The following EREG variants were observed in gnomAD, a reference collection of about 807,000 sequenced individuals.
EREG encodes the protein proepiregulin.
Under a neutral mutation model 22.4 loss-of-function variants are expected in EREG, and 23 were observed. The ratio of observed to expected loss-of-function variants is 1.03; its 90% CI spans 0.74 to 1.46. The LOEUF is 1.46. Among genes scored for constraint, EREG ranks in the 40% most tolerant of loss-of-function variants. The pLI is 0.00. For synonymous variants in EREG, 100 were observed against 75.4 expected, an observed-to-expected ratio of 1.33 and a Z score of -1.69; for missense variants, 226 against 205.9, an observed-to-expected ratio of 1.10 and a Z score of -0.60.
chr4:74,382,799 G>C lies in EREG; in HGVS notation c.428+5G>C, dbSNP rs1752501183. The C allele has an allele frequency of 6.2e-7, 1 of 1,609,004 alleles. No individual in the cohort carries two copies. The highest frequency in any genetic ancestry group is 1.3e-5 in the African/African-American group (1 of 74,640). ...CACATATTATTTCTGCAGATGGTAA[G>C]TCAGTGTGGTTTTATACTCTGCTTT... is the stretch of plus-strand genomic sequence containing the variant. On this transcript the variant is annotated splice_donor_5th_base_variant and intron_variant, in intron 4 of 4. Transcript: ENST00000244869.
At chr4:74,370,860 T>G (rs1752278079) in intron 1 of EREG, among the ~76,000 whole-genome samples, 1 of 152,222 alleles carries the variant, frequency 6.6e-6, no homozygotes, top group Admixed American at 6.5e-5. Flanking sequence ...GCAGCTCAGT[T>G]GCAGGGAAAC....
chr4:74,381,159 AAC>A (rs1752468382), intron 3 of EREG, 22 bp downstream of exon 3: 1 of 1,602,482 alleles, frequency 6.2e-7, no homozygotes, highest in Non-Finnish European at 8.5e-7. Context: ...GAAATAAACA[AAC>A]ACAGTTTGTA....
chr4:74,384,647 C>T, intron 4 of EREG, 80 bp from the exon 5 acceptor site: 1 of 745,862 alleles, frequency 1.3e-6, no homozygotes, highest in South Asian at 1.7e-5. Context: ...TGCTAATGTG[C>T]CTTTGGAGTC....
At chr4:74,375,476 G>A (rs1406989377) in intron 1 of EREG, among the ~76,000 whole-genome samples, 1 of 132,626 alleles carries the variant, frequency 7.5e-6, no homozygotes, top group Non-Finnish European at 1.6e-5. Context: ...CCGCCACCAT[G>A]CCTGGCTAAT....
intron 1 of EREG, among the ~76,000 whole-genome samples, chr4:74,370,046 CAT>C (rs2110383576): frequency 6.6e-6 from 1 of 152,308 alleles, no homozygotes; most frequent in South Asian, 2.1e-4. Context: ...GAGTACACAG[CAT>C]GTAAGGCTTT....
chr4:74,371,398 C>T (rs894307743), intron 1 of EREG, among the ~76,000 whole-genome samples: 58 of 152,246 alleles, frequency 3.8e-4, no homozygotes, highest in African/African-American at 1.2e-3. Context: ...GTCTTATTTA[C>T]GATGGAATCA....
chr4:74,379,346 T>A, intron 1 of EREG, 102 bp from the exon 2 acceptor site: 1 of 701,420 alleles, frequency 1.4e-6, no homozygotes, highest in Non-Finnish European at 2.5e-6. Context: ...ACCAAATCTG[T>A]GAAACAAAAC....
intron 3 of EREG, chr4:74,381,747 C>G (rs941227669): frequency 3.3e-5 from 5 of 150,480 alleles, no homozygotes; most frequent in Non-Finnish European, 7.4e-5. Flanking sequence ...GAGGCCGAGG[C>G]GGGCGGATCA....
intron 1 of EREG, among the ~76,000 whole-genome samples, chr4:74,377,073 G>A (rs1322260490): frequency 6.6e-6 from 1 of 151,088 alleles, no homozygotes; most frequent in Non-Finnish European, 1.5e-5. Flanking sequence ...TAAACCAGAA[G>A]AGGGCACTGT....
intron 1 of EREG, among the ~76,000 whole-genome samples, chr4:74,375,127 C>T (rs1333793028): frequency 6.6e-6 from 1 of 151,886 alleles, no homozygotes; most frequent in Non-Finnish European, 1.5e-5. Context: ...GAATTATTTG[C>T]TTAGGAAGAA....
intron 1 of EREG, among the ~76,000 whole-genome samples, chr4:74,369,196 C>A (rs1001146433): frequency 1.3e-5 from 2 of 151,966 alleles, no homozygotes; most frequent in African/African-American, 2.4e-5. Context: ...TTTTTTGTTA[C>A]GTGGGTGAAT....
At chr4:74,383,138 C>T (rs1434373499) in intron 4 of EREG, among the ~76,000 whole-genome samples, 6 of 152,130 alleles carry the variant, frequency 3.9e-5, no homozygotes, top group Admixed American at 1.3e-4. Flanking sequence ...ACCTATGTGA[C>T]CTTACATAAG....
rs537192749 is a variant in EREG at position 74,380,076 on chromosome 4, A to G, written c.154+542A>G. 2.6e-5 allele frequency among the ~76,000 whole-genome samples: 4 copies of G among 152,328 alleles called. No homozygotes were observed. The East Asian group carries it at 7.7e-4, about 29-fold the overall frequency. The stretch of plus-strand genomic sequence containing the variant: ...GTAATACAGTTTTTTCCCCTCGAGG[A>G]CTGTGGACTCCAGATATGGTCCAAG... On this transcript the variant is annotated intron_variant, in intron 2 of 4. Coordinates refer to ENST00000244869, the MANE Select transcript of EREG (RefSeq NM_001432.3).
At chr4:74,377,480 G>A (rs938444531) in intron 1 of EREG, among the ~76,000 whole-genome samples, 1 of 152,116 alleles carries the variant, frequency 6.6e-6, no homozygotes, top group Non-Finnish European at 1.5e-5. Context: ...TTATGCTTTA[G>A]TTTTCTCTAA....
rs1488294253 is a variant in EREG, at chr4:74,388,108, A to T, written c.*3300A>T. The T allele has an allele frequency of 6.6e-6, 1 of 152,216 alleles. No individual in the cohort carries two copies. Among genetic ancestry groups the T allele is most frequent in the African/African-American group, 2.4e-5 (1 of 41,460 alleles). The allele number at this position is 152,216 out of a possible 1,614,324, so 9.4% of individuals were successfully genotyped here. ...TAAATTCAATCACCACCAGGTATCA[A>T]ATCAACTTTTATGCAGCAAATATAT... On this transcript the variant is annotated 3_prime_UTR_variant, in exon 5 of 5. Coordinates refer to ENST00000244869, the MANE Select transcript of EREG (RefSeq NM_001432.3).
At chr4:74,381,360 C>A in intron 3 of EREG, 1 of 448,558 alleles carries the variant, frequency 2.2e-6, no homozygotes, top group Non-Finnish European at 4.0e-6. Context: ...TCTATTACTC[C>A]ACTCTCTATG....
chr4:74,365,931 C>T (rs1374267050), intron 1 of EREG, among the ~76,000 whole-genome samples: 2 of 152,048 alleles, frequency 1.3e-5, no homozygotes, highest in Admixed American at 6.6e-5. Context: ...AAACACTGGT[C>T]GAGGGTATCT....
chr4:74,368,207 A>G (rs1160785553), intron 1 of EREG, among the ~76,000 whole-genome samples: 4 of 152,196 alleles, frequency 2.6e-5, no homozygotes, highest in African/African-American at 4.8e-5. Context: ...GTACAAATGG[A>G]CTTTCTGACT....
Position 74,384,920 on chromosome 4 carries a change from A to G in EREG, c.*112A>G, listed in dbSNP as rs1752545592. ...TCAAGTGTTAGGTCAATAACACTGT[A>G]TTTTAATGTACTTGAAAAATGTTTT... is the stretch of plus-strand genomic sequence containing the variant. On this transcript the variant is annotated 3_prime_UTR_variant, in exon 5 of 5. Coordinates refer to ENST00000244869, the MANE Select transcript of EREG (RefSeq NM_001432.3). 2 of 528,994 alleles carry G rather than the reference A, an allele frequency of 3.8e-6. No homozygotes were observed. The highest frequency in any genetic ancestry group is 6.7e-6 in the Non-Finnish European group (2 of 298,744). The allele number at this position is 528,994 out of a possible 1,614,324, so 32.8% of individuals were successfully genotyped here.
Sources: allele counts gnomAD v4.1 joint callset (sites outside exome capture counted in the v4.1 genomes callset), GRCh38; gene constraint gnomAD v4.1.1; transcripts MANE v1.5; gene names NCBI Gene and HGNC (gene_info 2026-07-23, HGNC 2026-07-21).